Variants in SH3RF3 observed in about 807,000 individuals in gnomAD.
SH3RF3 encodes the protein E3 ubiquitin-protein ligase SH3RF3.
Under a neutral mutation model 66.3 loss-of-function variants are expected in SH3RF3, and 29 were observed. The observed-to-expected ratio is 0.44, with a 90% CI of 0.33 to 0.60. SH3RF3 has a LOEUF of 0.60. Among genes scored for constraint, SH3RF3 ranks in the 20% least tolerant of loss-of-function variants. The pLI is 0.04. For missense variants in SH3RF3, 1,194 were observed against 1,190.9 expected (o/e 1.00, Z -0.04); for synonymous variants, 583 against 532.0 (o/e 1.10, Z -1.32).
intron 1 of SH3RF3, among the ~76,000 whole-genome samples, chr2:109,233,824 G>T (rs1474005636): frequency 6.6e-6 from 1 of 152,174 alleles, no homozygotes; most frequent in Non-Finnish European, 1.5e-5. Context: ...CTTGAGTCTG[G>T]CTTCTCTCAC....
At chr2:109,495,477 C>CTTTTTTTTTTT (rs569509984) in intron 9 of SH3RF3, among the ~76,000 whole-genome samples, 20 of 94,280 alleles carry the variant, frequency 2.1e-4, no homozygotes, top group African/African-American at 4.1e-4. Flanking sequence ...TCTTTCATTC[C>CTTTTTTTTTTT]TTTTTTTTTT....
intron 9 of SH3RF3, among the ~76,000 whole-genome samples, chr2:109,496,786 A>AG (rs36165651): frequency 0.53 from 80,131 of 152,022 alleles, 21,530 homozygotes; most frequent in East Asian, 0.69. Context: ...GCAAAGAGAA[A>AG]TCAGGTTGCA....
intron 1 of SH3RF3, among the ~76,000 whole-genome samples, chr2:109,249,580 C>CTTCCTTCCTTCCTTCCT (rs1553491282): frequency 3.9e-5 from 4 of 102,602 alleles, no homozygotes; most frequent in African/African-American, 1.7e-4. Context: ...TCCTTCCTTC[C>CTTCCTTCCTTCCTTCCT]TTCCTTTCCT....
intron 8 of SH3RF3, among the ~76,000 whole-genome samples, chr2:109,476,826 G>T (rs957105845): frequency 1.3e-5 from 2 of 152,124 alleles, no homozygotes; most frequent in Admixed American, 6.5e-5. Flanking sequence ...ACAAGGGGTG[G>T]ATTATTCACA....
intron 1 of SH3RF3, among the ~76,000 whole-genome samples, chr2:109,296,221 C>CTATTATTAT (rs111322381): frequency 3.8e-4 from 58 of 151,430 alleles, no homozygotes; most frequent in African/African-American, 1.3e-3. Flanking sequence ...ACAGAATGAC[C>CTATTATTAT]TAGTATTATT....
intron 1 of SH3RF3, among the ~76,000 whole-genome samples, chr2:109,190,126 C>T (rs941876014): frequency 3.9e-5 from 6 of 152,218 alleles, no homozygotes; most frequent in African/African-American, 7.2e-5. Context: ...TGAATATTAA[C>T]AAACACTGTG....
intron 7 of SH3RF3, among the ~76,000 whole-genome samples, chr2:109,445,012 A>C (rs1677668120): frequency 6.6e-6 from 1 of 152,214 alleles, no homozygotes. Flanking sequence ...AAAAAGAACC[A>C]ATTTGAAATT....
intron 1 of SH3RF3, among the ~76,000 whole-genome samples, chr2:109,317,221 C>T (rs1053840407): frequency 6.6e-5 from 10 of 152,188 alleles, no homozygotes; most frequent in Admixed American, 2.0e-4. Context: ...AGCTTACCTC[C>T]CACCCGGATG....
At chr2:109,184,535 G>C (rs1301220660) in intron 1 of SH3RF3, among the ~76,000 whole-genome samples, 2 of 152,174 alleles carry the variant, frequency 1.3e-5, no homozygotes, top group African/African-American at 4.8e-5. Flanking sequence ...TGGGCTGGGA[G>C]GCTGAGCTGT....
chr2:109,332,739 A>AC (rs1321307307), intron 1 of SH3RF3, among the ~76,000 whole-genome samples: 2 of 152,040 alleles, frequency 1.3e-5, no homozygotes, highest in Admixed American at 1.3e-4. Flanking sequence ...AGGAGCAGCC[A>AC]CCCCGCCCCC....
chr2:109,412,924 A>G (rs972797163), intron 4 of SH3RF3, among the ~76,000 whole-genome samples: 4 of 152,200 alleles, frequency 2.6e-5, no homozygotes, highest in African/African-American at 7.2e-5. Flanking sequence ...TCCACTCTGC[A>G]TACCCTACAT....
chr2:109,193,511 C>G (rs189041496), intron 1 of SH3RF3, among the ~76,000 whole-genome samples: 1 of 152,142 alleles, frequency 6.6e-6, no homozygotes, highest in Admixed American at 6.5e-5. Context: ...ATACAGTTTG[C>G]GGCCTTTTTA....
intron 1 of SH3RF3, among the ~76,000 whole-genome samples, chr2:109,303,835 T>C (rs1681529994): frequency 6.6e-6 from 1 of 152,178 alleles, no homozygotes; most frequent in Admixed American, 6.5e-5. Flanking sequence ...GTGAACAAGT[T>C]CATCACCTCT....
chr2:109,139,406 A>G (rs1186345554), intron 1 of SH3RF3, among the ~76,000 whole-genome samples: 2 of 152,132 alleles, frequency 1.3e-5, no homozygotes, highest in African/African-American at 4.8e-5. Context: ...CATGTGCAGT[A>G]TGAAAGGTGA....
chr2:109,330,477 C>T (rs759003998), intron 1 of SH3RF3, among the ~76,000 whole-genome samples: 1 of 152,072 alleles, frequency 6.6e-6, no homozygotes, highest in Non-Finnish European at 1.5e-5. Flanking sequence ...ATCTTCCTTA[C>T]GAACTTTGTA....
chr2:109,498,649 C>T (rs1679312375), intron 9 of SH3RF3, among the ~76,000 whole-genome samples: 1 of 152,222 alleles, frequency 6.6e-6, no homozygotes, highest in Admixed American at 6.5e-5. Flanking sequence ...GTTCATTCCC[C>T]CTAAGTAGTA....
At chr2:109,483,946 C>T (rs990485933) in intron 8 of SH3RF3, among the ~76,000 whole-genome samples, 8 of 152,194 alleles carry the variant, frequency 5.3e-5, no homozygotes, top group Admixed American at 1.3e-4. Context: ...CCCCACAACC[C>T]CCGCCATCCC....
rs146384836 is a variant in SH3RF3, at chr2:109,262,978, G to A, written c.574-84696G>A. ...CTCCCACGTAGCTGGGAGTACAGGTGCCCGCCACCACACCTGGCTCGTTTT... is the reference window on the plus strand; with the variant it reads ...CTCCCACGTAGCTGGGAGTACAGGTACCCGCCACCACACCTGGCTCGTTTT... On this transcript the variant is annotated intron_variant, in intron 1 of 9. Coordinates refer to ENST00000309415, the MANE Select transcript of SH3RF3 (RefSeq NM_001099289.3). Among the ~76,000 whole-genome samples, 1,168 of 152,006 alleles carry A rather than the reference G, an allele frequency of 7.7e-3. 20 individuals are homozygous for A. The highest frequency in any genetic ancestry group is 0.026 in the African/African-American group (1,093 of 41,466).
At chr2:109,326,817 C>G (rs1056155576) in intron 1 of SH3RF3, among the ~76,000 whole-genome samples, 1 of 152,216 alleles carries the variant, frequency 6.6e-6, no homozygotes, top group Non-Finnish European at 1.5e-5. Flanking sequence ...AGGGGGACGC[C>G]TGTCTCATGG....
Sources: gnomAD v4.1 joint callset for allele counts (sites outside exome capture counted in the v4.1 genomes callset) on GRCh38, gnomAD v4.1.1 for gene constraint, MANE v1.5 for transcripts, NCBI Gene and HGNC (gene_info 2026-07-23, HGNC 2026-07-21) for gene names.